SAMD12: variants seen among roughly 807,000 people sequenced by gnomAD.
SAMD12 encodes sterile alpha motif domain-containing protein 12.
SAMD12 carries 9 observed loss-of-function variants against 15.0 expected under a neutral mutation model. The ratio of observed to expected loss-of-function variants is 0.60; its 90% CI spans 0.36 to 1.05. The LOEUF is 1.05. Among genes scored for constraint, SAMD12 ranks in the 50% least tolerant of loss-of-function variants. The pLI, the probability that SAMD12 is intolerant of heterozygous loss-of-function variation, is 0.01. For missense variants in SAMD12, 230 were observed against 234.2 expected (o/e 0.98, Z 0.12); for synonymous variants, 86 against 90.1 (o/e 0.96, Z 0.25).
the SAMD12 span, among the ~76,000 whole-genome samples, chr8:118,132,709 A>G: frequency 3.3e-5 from 5 of 152,074 alleles, no homozygotes; most frequent in Non-Finnish European, 5.9e-5. Flanking sequence ...CTTAGGAGCT[A>G]CTTCCTGGAG....
At chr8:118,341,645 G>A (rs948161018) in intron 4 of SAMD12, among the ~76,000 whole-genome samples, 1 of 152,146 alleles carries the variant, frequency 6.6e-6, no homozygotes, top group African/African-American at 2.4e-5. Context: ...TTGCGTAGTG[G>A]AAAGCAAGTG....
At chr8:118,187,837 C>G (rs979082691), downstream of SAMD12, among the ~76,000 whole-genome samples, 1 of 152,110 alleles carries the variant, frequency 6.6e-6, no homozygotes, top group Non-Finnish European at 1.5e-5. Context: ...GCAGAGGTTG[C>G]TAGGCTCAGT....
intron 3 of SAMD12, among the ~76,000 whole-genome samples, chr8:118,434,621 G>A (rs1822519579): frequency 6.6e-6 from 1 of 152,206 alleles, no homozygotes; most frequent in African/African-American, 2.4e-5. Flanking sequence ...AAAGTTGCCT[G>A]TGAGCTTACA....
intron 1 of SAMD12, among the ~76,000 whole-genome samples, chr8:118,615,591 A>T (rs1229303960): frequency 6.6e-6 from 1 of 152,194 alleles, no homozygotes; most frequent in Non-Finnish European, 1.5e-5. Flanking sequence ...AATGCACAAC[A>T]GCTGACACTC....
At chr8:118,474,780 T>C (rs527576413) in intron 2 of SAMD12, among the ~76,000 whole-genome samples, 4 of 152,312 alleles carry the variant, frequency 2.6e-5, no homozygotes, top group Non-Finnish European at 5.9e-5. Flanking sequence ...GTTTGGATAT[T>C]TAGCACTCTA....
the SAMD12 span, among the ~76,000 whole-genome samples, chr8:118,133,482 C>T: frequency 6.6e-6 from 1 of 152,142 alleles, no homozygotes; most frequent in Non-Finnish European, 1.5e-5. Flanking sequence ...AGCTATTCTT[C>T]CTGATGCTCT....
chr8:118,188,115 T>C (rs1819275142), downstream of SAMD12, among the ~76,000 whole-genome samples: 1 of 145,056 alleles, frequency 6.9e-6, no homozygotes, highest in African/African-American at 2.6e-5. Flanking sequence ...GGAGATGAGA[T>C]AGAGGAAGAG....
the SAMD12 span, among the ~76,000 whole-genome samples, chr8:118,141,072 T>C: frequency 2.0e-5 from 3 of 152,222 alleles, no homozygotes; most frequent in Non-Finnish European, 4.4e-5. Context: ...CTGACATTTA[T>C]TGAGTACTCC....
At chr8:118,320,678 G>T (rs1263694798) in intron 4 of SAMD12, among the ~76,000 whole-genome samples, 2 of 147,368 alleles carry the variant, frequency 1.4e-5, no homozygotes, top group Admixed American at 6.7e-5. Flanking sequence ...GGGGTGGGGG[G>T]GGTGGGGAGG....
intron 4 of SAMD12, among the ~76,000 whole-genome samples, chr8:118,365,418 C>T (rs999984220): frequency 6.6e-6 from 1 of 152,136 alleles, no homozygotes; most frequent in Non-Finnish European, 1.5e-5. Flanking sequence ...GTGGAATTGT[C>T]CTGTCTGTTG....
At chr8:118,145,449 A>T in the SAMD12 span, among the ~76,000 whole-genome samples, 156 of 152,342 alleles carry the variant, frequency 1.0e-3, 2 homozygotes, top group African/African-American at 3.4e-3. Flanking sequence ...TCATTCATTC[A>T]TTCAATCCTT....
chr8:118,473,044 G>A (rs1052041628), intron 2 of SAMD12, among the ~76,000 whole-genome samples: 2 of 152,086 alleles, frequency 1.3e-5, no homozygotes, highest in Non-Finnish European at 2.9e-5. Flanking sequence ...CTTCCAGTGG[G>A]GTCAACCAAT....
At chr8:118,274,513 C>T (rs992644660) in intron 4 of SAMD12, among the ~76,000 whole-genome samples, 9 of 152,260 alleles carry the variant, frequency 5.9e-5, no homozygotes, top group South Asian at 2.1e-4. Context: ...GTATCTATTA[C>T]GAGCTTAACA....
At chr8:118,620,658 G>A (rs1828375246) in intron 1 of SAMD12, among the ~76,000 whole-genome samples, 1 of 152,136 alleles carries the variant, frequency 6.6e-6, no homozygotes, top group Admixed American at 6.5e-5. Flanking sequence ...CGTTATAAGG[G>A]GAGCAAGAGT....
At chr8:118,559,653 T>C (rs1826650775) in intron 2 of SAMD12, among the ~76,000 whole-genome samples, 1 of 152,224 alleles carries the variant, frequency 6.6e-6, no homozygotes, top group Admixed American at 6.5e-5. Flanking sequence ...ACCTGGTCTC[T>C]GATAACTGCT....
At chr8:118,456,240 C>A (rs1217291187) in intron 2 of SAMD12, among the ~76,000 whole-genome samples, 5 of 152,184 alleles carry the variant, frequency 3.3e-5, no homozygotes, top group Non-Finnish European at 7.4e-5. Flanking sequence ...AAAGCTAGCT[C>A]TTTTCTCAGA....
chr8:118,344,081 G>C (rs1362067289), intron 4 of SAMD12, among the ~76,000 whole-genome samples: 1 of 152,196 alleles, frequency 6.6e-6, no homozygotes, highest in Middle Eastern at 3.2e-3. Context: ...GCAAGCGAGG[G>C]ACAGCAAACT....
At chr8:118,562,005 AAAT>A (rs1158498582) in intron 2 of SAMD12, among the ~76,000 whole-genome samples, 2 of 152,234 alleles carry the variant, frequency 1.3e-5, no homozygotes, top group African/African-American at 2.4e-5. Context: ...AAAATTAGAA[AAAT>A]AATGTTAATC....
At chr8:118,420,587 T>C (rs1162213393) in intron 3 of SAMD12, among the ~76,000 whole-genome samples, 1 of 152,194 alleles carries the variant, frequency 6.6e-6, no homozygotes, top group Non-Finnish European at 1.5e-5. Flanking sequence ...GATGCCATTC[T>C]TAGAAATAAA....
Sources: gnomAD v4.1 joint callset for allele counts (sites outside exome capture counted in the v4.1 genomes callset) on GRCh38, gnomAD v4.1.1 for gene constraint, MANE v1.5 for transcripts, NCBI Gene and HGNC (gene_info 2026-07-23, HGNC 2026-07-21) for gene names.